Variants in FGFR2 observed in about 807,000 individuals in gnomAD.
FGFR2 encodes the protein fibroblast growth factor receptor 2, also known as BEK fibroblast growth factor receptor.
Under a neutral mutation model 95.9 loss-of-function variants are expected in FGFR2, and 19 were observed. The observed-to-expected ratio is 0.20, with a 90% CI of 0.14 to 0.29. The LOEUF is 0.29. FGFR2 is among the 10% of genes least tolerant of loss of function. The pLI, the probability that FGFR2 is intolerant of heterozygous loss-of-function variation, is 1.00. For synonymous variants in FGFR2, 392 were observed against 393.3 expected (o/e 1.00, Z 0.04); for missense variants, 707 against 1,056.9 (o/e 0.67, Z 4.59).
At chr10:121,519,905 A>C (rs763193360) in intron 7 of FGFR2, 74 bp downstream of exon 7, 12 of 1,433,426 alleles carry the variant, frequency 8.4e-6, no homozygotes, top group Admixed American at 3.4e-5. Flanking sequence ...TCCAACAGGA[A>C]ATCAAAGAAC....
chr10:121,495,228 T>G (rs1360865024), intron 13 of FGFR2, among the ~76,000 whole-genome samples: 1 of 152,134 alleles, frequency 6.6e-6, no homozygotes, highest in Non-Finnish European at 1.5e-5. Flanking sequence ...TCCCAAAACC[T>G]ATATATTGGG....
rs557324175 is a variant in FGFR2 at position 121,514,115 on chromosome 10, C to G, written c.1287+1002G>C. On this transcript the variant is annotated intron_variant, in intron 9 of 17. Coordinates refer to ENST00000358487, the MANE Select transcript of FGFR2 (RefSeq NM_000141.5). The stretch of plus-strand genomic sequence containing the variant: ...TGAACAAGAATCTCTGGGGCTGAGA[C>G]AAAGGAATCTGAAATTTTAACAAGC... 4.6e-5 allele frequency among the ~76,000 whole-genome samples: 7 copies of G among 152,216 alleles called. No individual in the cohort carries two copies. The East Asian group carries it at 1.4e-3, about 29-fold the overall frequency.
rs570093863 is a variant in FGFR2, at chr10:121,562,608, C to T, written c.454+1894G>A. On this transcript the variant is annotated intron_variant, in intron 4 of 17. Coordinates refer to ENST00000358487, the MANE Select transcript of FGFR2 (RefSeq NM_000141.5). ...GCCGAGATATCTTTTAGTAGGTAAA[C>T]GGGTAAATAAACTTTGATACATACA... is the stretch of plus-strand genomic sequence containing the variant. Among the ~76,000 whole-genome samples, 5 of 152,042 alleles carry T rather than the reference C, an allele frequency of 3.3e-5. No homozygotes were observed. In the South Asian group the frequency reaches 8.3e-4, roughly 25 times the overall value.
chr10:121,568,121 T>C (rs558698161), intron 2 of FGFR2, among the ~76,000 whole-genome samples: 2 of 152,034 alleles, frequency 1.3e-5, no homozygotes, highest in South Asian at 4.2e-4. Flanking sequence ...AAGAGAAATA[T>C]GAGAAGGAGG....
intron 10 of FGFR2, 46 bp from the exon 11 acceptor site, chr10:121,500,993 G>A (rs201176607): frequency 1.2e-6 from 2 of 1,610,436 alleles, no homozygotes; most frequent in East Asian, 4.5e-5. Flanking sequence ...TGGTGATGGG[G>A]TGTAGTGAGG....
intron 17 of FGFR2, among the ~76,000 whole-genome samples, chr10:121,481,632 T>G (rs920649152): frequency 6.6e-6 from 1 of 152,134 alleles, no homozygotes; most frequent in African/African-American, 2.4e-5. Context: ...CATATGGTAA[T>G]GATTTTCAGA....
At chr10:121,491,793 C>T (rs763750996) in intron 13 of FGFR2, among the ~76,000 whole-genome samples, 2 of 150,566 alleles carry the variant, frequency 1.3e-5, no homozygotes, top group Non-Finnish European at 3.0e-5. Context: ...TCGCTAGAAC[C>T]TGGGAGGCAG....
intron 6 of FGFR2, 122 bp from the exon 7 acceptor site, chr10:121,520,291 G>A (rs1166293900): frequency 2.0e-6 from 2 of 983,162 alleles, no homozygotes; most frequent in Non-Finnish European, 2.9e-6. Context: ...CCTGCTGGCT[G>A]ACACCTTTGA....
In FGFR2 at chr10:121,500,966, G is replaced by A. The variant is rs752507319; in HGVS notation, c.1440-19C>T. The A allele has an allele frequency of 6.2e-7, 1 of 1,613,378 alleles. No homozygotes were observed. The highest frequency in any genetic ancestry group is 8.5e-7 in the Non-Finnish European group (1 of 1,180,018). On this transcript the variant is annotated intron_variant, in intron 10 of 17. Coordinates refer to ENST00000358487, the MANE Select transcript of FGFR2 (RefSeq NM_000141.5). ...TGTCAGCCTAAATGTGTAAATAGGG[G>A]ATTAGCACATAGCATCTGGTGATGG...
intron 2 of FGFR2, among the ~76,000 whole-genome samples, chr10:121,567,846 G>A (rs745922741): frequency 2.0e-4 from 31 of 152,232 alleles, no homozygotes; most frequent in Non-Finnish European, 3.5e-4. Flanking sequence ...AAACCCTGTG[G>A]CCTGCAAGCC....
rs190114239 is a variant in FGFR2 at position 121,549,162 on chromosome 10, T to C, written c.624+2128A>G. Among the ~76,000 whole-genome samples, 685 of 152,326 alleles carry C rather than the reference T, an allele frequency of 4.5e-3. 5 individuals carry two copies. The highest frequency in any genetic ancestry group is 0.016 in the African/African-American group (667 of 41,570). On this transcript the variant is annotated intron_variant, in intron 5 of 17. Coordinates refer to ENST00000358487, the MANE Select transcript of FGFR2 (RefSeq NM_000141.5). Reference sequence around the variant, plus strand: ...GGCTGTCCCCATTTTCCTCTGAATTTTGGCCTCTAGATGTTAATTTCTAAG... The same window carrying C: ...GGCTGTCCCCATTTTCCTCTGAATTCTGGCCTCTAGATGTTAATTTCTAAG...
At position 121,531,646 on chromosome 10, in the gene FGFR2, C is replaced by T. The variant is rs1026576077; in HGVS notation, c.748+6946G>A. On this transcript the variant is annotated intron_variant, in intron 6 of 17. Coordinates refer to ENST00000358487, the MANE Select transcript of FGFR2 (RefSeq NM_000141.5). This position sits in a 1 kb window ranked among gnomAD's most constrained non-coding sequence, Gnocchi z 4.5. ...CCACCTCCTCCTCCCCATAGTGCTACAAGGAAACAGTCATCACCCCATTTT... is the reference window on the plus strand; with the variant it reads ...CCACCTCCTCCTCCCCATAGTGCTATAAGGAAACAGTCATCACCCCATTTT... Among the ~76,000 whole-genome samples, 13 of 152,118 alleles carry T rather than the reference C, an allele frequency of 8.5e-5. No homozygotes were observed. The highest frequency in any genetic ancestry group is 2.9e-4 in the African/African-American group (12 of 41,418).
intron 6 of FGFR2, chr10:121,526,926 C>T: frequency 2.5e-6 from 1 of 395,064 alleles, no homozygotes; most frequent in Non-Finnish European, 4.5e-6. Flanking sequence ...CTCTAAAACA[C>T]ACACGTCTCT....
chr10:121,539,809 C>T (rs1853421237), intron 5 of FGFR2, among the ~76,000 whole-genome samples: 1 of 152,232 alleles, frequency 6.6e-6, no homozygotes, highest in African/African-American at 2.4e-5. Flanking sequence ...GGCAGAGCAT[C>T]TGCAAGCACA....
In FGFR2 at chr10:121,480,389, A is replaced by T. The variant is rs1844521478; in HGVS notation, c.2302-368T>A. 1.0e-5 allele frequency: 4 copies of T among 391,664 alleles called. No individual in the cohort carries two copies. The East Asian group carries it at 1.7e-4, about 17-fold the overall frequency. 24.3% of individuals were successfully genotyped at this position (391,664 alleles called of 1,614,324 possible). On this transcript the variant is annotated intron_variant, in intron 17 of 17. Transcript: ENST00000358487. Reference sequence around the variant, plus strand: ...AGGCAACTCGGCTTCACACGGACCTAAATAACCCGCTGAGTCTACACCACC... The same window carrying T: ...AGGCAACTCGGCTTCACACGGACCTTAATAACCCGCTGAGTCTACACCACC...
intron 9 of FGFR2, among the ~76,000 whole-genome samples, chr10:121,513,852 A>G (rs1432470358): frequency 6.6e-6 from 1 of 152,178 alleles, no homozygotes; most frequent in Non-Finnish European, 1.5e-5. Context: ...AGAGAAGTTA[A>G]CAAGGACCCA....
chr10:121,594,053 T>A, intron 1 of FGFR2, 86 bp from the exon 2 acceptor site: 1 of 607,028 alleles, frequency 1.6e-6, no homozygotes, highest in Admixed American at 2.8e-5. Flanking sequence ...TTTTTCAGCC[T>A]CTCAAATGTG....
chr10:121,555,543 C>T (rs1856019875), intron 4 of FGFR2, among the ~76,000 whole-genome samples: 1 of 152,132 alleles, frequency 6.6e-6, no homozygotes, highest in South Asian at 2.1e-4. Flanking sequence ...GACACTAATC[C>T]ACCTGTAAAG....
intron 6 of FGFR2, among the ~76,000 whole-genome samples, chr10:121,530,101 A>G (rs1399404145): frequency 2.0e-5 from 3 of 152,156 alleles, no homozygotes; most frequent in Admixed American, 2.0e-4. Flanking sequence ...AAAGACGCAC[A>G]GTGGTTCTCT....
Sources: allele counts gnomAD v4.1 joint callset (sites outside exome capture counted in the v4.1 genomes callset), GRCh38; gene constraint gnomAD v4.1.1; non-coding constraint Gnocchi (gnomAD v3.1); transcripts MANE v1.5; gene names NCBI Gene and HGNC (gene_info 2026-07-23, HGNC 2026-07-21).